The following MEGF11 variants were observed in gnomAD, a reference collection of about 807,000 sequenced individuals.
MEGF11 encodes the protein multiple EGF like domains 11.
MEGF11 carries 126 observed loss-of-function variants against 146.6 expected under a neutral mutation model. That is an observed-to-expected ratio of 0.86 (90% CI 0.74 to 1.00). The LOEUF (loss-of-function observed/expected upper bound fraction) is 1.00. MEGF11 is among the 50% of genes least tolerant of loss of function. The probability of loss-of-function intolerance (pLI) is 0.00; values close to 1 mark genes in which losing one functional copy is unlikely to be tolerated. For missense variants in MEGF11, 1,509 were observed against 1,521.2 expected, an observed-to-expected ratio of 0.99 and a Z score of 0.13; for synonymous variants, 532 against 583.4, an observed-to-expected ratio of 0.91 and a Z score of 1.27.
At chr15:66,123,271 G>A (rs933807419) in intron 3 of MEGF11, among the ~76,000 whole-genome samples, 1 of 152,202 alleles carries the variant, frequency 6.6e-6, no homozygotes, top group Non-Finnish European at 1.5e-5. Flanking sequence ...GTTGAGCACT[G>A]CTAAGGAAAG....
intron 4 of MEGF11, 68 bp downstream of exon 4, chr15:66,119,018 T>A: frequency 1.6e-4 from 119 of 731,150 alleles, no homozygotes; most frequent in Non-Finnish European, 2.2e-4. Flanking sequence ...CCACCTCCCC[T>A]CCCCTCCCCT....
rs148809994 is a variant in MEGF11, at chr15:65,915,573, A to G, written c.2370T>C (p.Tyr790=). 1.4e-4 allele frequency: 228 copies of G among 1,613,992 alleles called. No homozygotes were observed. Among genetic ancestry groups the G allele is most frequent in the Non-Finnish European group, 1.8e-4 (211 of 1,179,872 alleles). ...EQRCAPGTFG[Y]GCQQLCECMN... is the part of the protein sequence containing the mutation. ...TGCACTCACATAGCTGCTGACACCC[A>G]TAGCCAAAGGTTCCTGGGGCACATC... The change falls in exon 19 of 26, where the codon TAT becomes TAC. Residue 790 remains tyrosine, a synonymous_variant. Transcript: ENST00000395614.
chr15:65,945,734 G>A (rs1375058063), intron 10 of MEGF11, among the ~76,000 whole-genome samples: 1 of 152,164 alleles, frequency 6.6e-6, no homozygotes, highest in Non-Finnish European at 1.5e-5. Context: ...CCTGACAGGT[G>A]CCTGATTCCC....
At chr15:65,974,151 A>G (rs2081379369) in intron 7 of MEGF11, among the ~76,000 whole-genome samples, 1 of 152,202 alleles carries the variant, frequency 6.6e-6, no homozygotes. Context: ...TTTATTCAGG[A>G]AAATTGTGCC....
At chr15:65,963,711 C>T (rs940985776) in intron 9 of MEGF11, among the ~76,000 whole-genome samples, 4 of 152,250 alleles carry the variant, frequency 2.6e-5, no homozygotes, top group East Asian at 1.9e-4. Flanking sequence ...GCCAGCTCCA[C>T]TGGCTCTAGC....
intron 1 of MEGF11, among the ~76,000 whole-genome samples, chr15:66,218,733 C>CAAAA (rs1197031513): frequency 3.3e-5 from 5 of 152,194 alleles, no homozygotes; most frequent in Non-Finnish European, 7.4e-5. Context: ...ACTAAGTAGC[C>CAAAA]TCAGTTTTCT....
intron 7 of MEGF11, among the ~76,000 whole-genome samples, chr15:65,974,385 C>T (rs940928262): frequency 2.6e-5 from 4 of 152,052 alleles, no homozygotes; most frequent in African/African-American, 7.3e-5. Flanking sequence ...AGGCCAGGTG[C>T]GGTGGCTCAT....
intron 5 of MEGF11, among the ~76,000 whole-genome samples, chr15:66,093,320 A>G (rs966782282): frequency 2.6e-5 from 4 of 152,220 alleles, no homozygotes; most frequent in Non-Finnish European, 5.9e-5. Context: ...ACATAACTAG[A>G]TATTTCCACT....
rs192929832 is a variant in MEGF11, at chr15:65,989,005, G to T, written c.395-6517C>A. On this transcript the variant is annotated intron_variant, in intron 5 of 25. Coordinates refer to ENST00000395614, the MANE Select transcript of MEGF11 (RefSeq NM_001385028.1). The stretch of plus-strand genomic sequence containing the variant: ...TGGTTCTTGGCCTGGCTGCAGATCA[G>T]CATCACTGGGGCAGTTTTAAGAAAC... Among the ~76,000 whole-genome samples the T allele has an allele frequency of 5.9e-5, 9 of 152,306 alleles. No homozygotes were observed. In the East Asian group the frequency reaches 1.7e-3, roughly 29 times the overall value.
intron 5 of MEGF11, among the ~76,000 whole-genome samples, chr15:66,046,096 CTG>C (rs889657269): frequency 2.0e-5 from 3 of 152,140 alleles, no homozygotes; most frequent in Admixed American, 2.0e-4. Context: ...GAGTGAGACT[CTG>C]TCTCAAAAAA....
chr15:65,935,257 T>C (rs2079730392), intron 10 of MEGF11, among the ~76,000 whole-genome samples: 2 of 131,142 alleles, frequency 1.5e-5, no homozygotes, highest in East Asian at 2.5e-4. Flanking sequence ...GAGGTGGAGA[T>C]TGCAGTGAGC....
intron 1 of MEGF11, among the ~76,000 whole-genome samples, chr15:66,172,848 C>G (rs555271947): frequency 6.6e-6 from 1 of 152,196 alleles, no homozygotes; most frequent in Non-Finnish European, 1.5e-5. Flanking sequence ...CTAGGTCACA[C>G]GCAGTCACAG....
At position 66,124,929 on chromosome 15, in the gene MEGF11, A is replaced by G. The variant is rs185743665; in HGVS notation, c.99-929T>C. On this transcript the variant is annotated intron_variant, in intron 2 of 25. Coordinates refer to ENST00000395614, the MANE Select transcript of MEGF11 (RefSeq NM_001385028.1). ...AGATCTAAGGAATTAATTTCTATGTAGGCTGGTATTATTCAGTGTTTTTCC... is the reference window on the plus strand; with the variant it reads ...AGATCTAAGGAATTAATTTCTATGTGGGCTGGTATTATTCAGTGTTTTTCC... Among the ~76,000 whole-genome samples, 6 of 152,362 alleles carry G rather than the reference A, an allele frequency of 3.9e-5. No individual in the cohort carries two copies. In the East Asian group the frequency reaches 1.2e-3, roughly 29 times the overall value.
At chr15:66,245,471 G>GA (rs5813388) in intron 1 of MEGF11, among the ~76,000 whole-genome samples, 130,938 of 148,418 alleles carry the variant, frequency 0.88, 57,952 homozygotes, top group East Asian at 0.99. Flanking sequence ...TGTAAAAAAA[G>GA]AAAAAAAAAA....
intron 5 of MEGF11, among the ~76,000 whole-genome samples, chr15:65,986,901 A>G (rs1567190952): frequency 6.7e-6 from 1 of 149,984 alleles, no homozygotes; most frequent in Admixed American, 6.7e-5. Flanking sequence ...GGGTTCAAAC[A>G]ATTCTTGTGC....
chr15:66,166,723 C>T (rs186703850), intron 1 of MEGF11, among the ~76,000 whole-genome samples: 96 of 151,966 alleles, frequency 6.3e-4, no homozygotes, highest in African/African-American at 2.2e-3. Context: ...TTCCCAGATC[C>T]GCCTCTGGCT....
At chr15:66,180,759 G>A (rs1386078038) in intron 1 of MEGF11, among the ~76,000 whole-genome samples, 1 of 152,192 alleles carries the variant, frequency 6.6e-6, no homozygotes, top group East Asian at 1.9e-4. Flanking sequence ...ATTAAATTCT[G>A]GAGCATGTAG....
intron 5 of MEGF11, among the ~76,000 whole-genome samples, chr15:66,090,279 C>T (rs909440186): frequency 2.6e-5 from 4 of 152,174 alleles, no homozygotes; most frequent in African/African-American, 9.7e-5. Context: ...CAAAACCCTC[C>T]CTGCCACTTC....
At chr15:66,116,361 C>T (rs568262495) in intron 4 of MEGF11, among the ~76,000 whole-genome samples, 26 of 152,156 alleles carry the variant, frequency 1.7e-4, no homozygotes, top group African/African-American at 6.0e-4. Flanking sequence ...TCTTCTATCT[C>T]GTAGCACAGC....
Sources: gnomAD v4.1 joint callset for allele counts (sites outside exome capture counted in the v4.1 genomes callset) on GRCh38, gnomAD v4.1.1 for gene constraint, MANE v1.5 for transcripts, NCBI Gene and HGNC (gene_info 2026-07-23, HGNC 2026-07-21) for gene names.